The following KALRN variants were observed in gnomAD, a reference collection of about 807,000 sequenced individuals.
The protein encoded by KALRN is kalirin.
Under a neutral mutation model 353.7 loss-of-function variants are expected in KALRN, and 70 were observed. The ratio of observed to expected loss-of-function variants is 0.20; its 90% CI spans 0.16 to 0.24. The LOEUF is 0.24. Among genes scored for constraint, KALRN ranks in the 10% least tolerant of loss-of-function variants. The pLI is 1.00. For missense variants in KALRN, 2,791 were observed against 3,756.7 expected, an observed-to-expected ratio of 0.74 and a Z score of 6.72; for synonymous variants, 1,391 against 1,434.8, an observed-to-expected ratio of 0.97 and a Z score of 0.69.
In KALRN at chr3:124,633,932, C is replaced by G. The variant is rs371623469; in HGVS notation, c.5547C>G (p.Asn1849Lys). Residue 1849 changes from asparagine (N) to lysine (K), a missense_variant, in exon 36 of 60, where the codon AAC becomes AAG. Transcript: ENST00000682506. ...PLPPPMKIFD[N>K]DPTQDEMSSS... ...CACCACCTATGAAGATTTTTGACAA[C>G]GACCCTACACAGGATGAAATGGTAG... 1.2e-6 allele frequency: 2 copies of G among 1,613,894 alleles called. No homozygotes were observed. The highest frequency in any genetic ancestry group is 4.5e-5 in the East Asian group (2 of 44,876).
rs143590754 is a variant in KALRN at position 124,154,194 on chromosome 3, T to C, written c.74-73796T>C. On this transcript the variant is annotated intron_variant, in intron 1 of 59. Coordinates refer to ENST00000682506, the MANE Select transcript of KALRN (RefSeq NM_001388419.1). Reference sequence around the variant, plus strand: ...GTGTTTTAGACATTCCCTTTGAAAATTGGCACAAGACAGGGATGCCCTCTC... The same window carrying C: ...GTGTTTTAGACATTCCCTTTGAAAACTGGCACAAGACAGGGATGCCCTCTC... Among the ~76,000 whole-genome samples the C allele has an allele frequency of 6.6e-3, 1,000 of 152,186 alleles. 19 individuals carry two copies. Among genetic ancestry groups the C allele is most frequent in the African/African-American group, 0.023 (951 of 41,534 alleles).
At chr3:124,191,309 C>T (rs181407461) in intron 1 of KALRN, among the ~76,000 whole-genome samples, 4 of 152,010 alleles carry the variant, frequency 2.6e-5, no homozygotes, top group Admixed American at 6.5e-5. Context: ...CCTCTCCCTG[C>T]CCCACTCCTG....
At chr3:124,511,481 G>A (rs2065899113) in intron 33 of KALRN, among the ~76,000 whole-genome samples, 3 of 152,168 alleles carry the variant, frequency 2.0e-5, no homozygotes, top group African/African-American at 4.8e-5. Context: ...TTCCACTGGA[G>A]GACTCTCATG....
chr3:124,365,269 A>G (rs554730606), intron 10 of KALRN, among the ~76,000 whole-genome samples: 83 of 152,256 alleles, frequency 5.5e-4, no homozygotes, highest in African/African-American at 2.0e-3. Context: ...CCCTTTAAAA[A>G]TGAAGGGGGG....
chr3:124,188,538 T>C (rs1298416498), intron 1 of KALRN, among the ~76,000 whole-genome samples: 1 of 152,194 alleles, frequency 6.6e-6, no homozygotes, highest in Non-Finnish European at 1.5e-5. Flanking sequence ...ATCTTCAGCG[T>C]CTCTTGTAAT....
At position 124,518,674 on chromosome 3, in the gene KALRN, G is replaced by A. The variant is rs976758478; in HGVS notation, c.4935+22261G>A. On this transcript the variant is annotated intron_variant, in intron 33 of 59. Coordinates refer to ENST00000682506, the MANE Select transcript of KALRN (RefSeq NM_001388419.1). ...CTCGGGGCTCCCTTCTTCTCTACTG[G>A]GTGCAATTCGAGGTTGCTGAGCTTC... 83 of 1,431,312 alleles carry A rather than the reference G, an allele frequency of 5.8e-5. 1 individual carries two copies. The highest frequency in any genetic ancestry group is 1.7e-4 in the Admixed American group (6 of 35,186). 88.7% of individuals were successfully genotyped at this position (1,431,312 alleles called of 1,614,324 possible).
At chr3:124,644,176 G>A (rs912546512) in intron 37 of KALRN, among the ~76,000 whole-genome samples, 4 of 150,946 alleles carry the variant, frequency 2.6e-5, no homozygotes, top group South Asian at 4.2e-4. Flanking sequence ...TTTTCTATCC[G>A]TGTATATTTT....
intron 49 of KALRN, chr3:124,674,949 A>T (rs1292941908): frequency 5.3e-6 from 1 of 187,672 alleles, no homozygotes; most frequent in Non-Finnish European, 1.1e-5. Context: ...GCCACATTTG[A>T]CCCACCACAG....
chr3:124,704,409 T>G (rs192185154), intron 57 of KALRN, among the ~76,000 whole-genome samples: 62 of 152,346 alleles, frequency 4.1e-4, no homozygotes, highest in Admixed American at 3.2e-3. Context: ...TCAAAAGTAA[T>G]CGATGTTTTT....
chr3:124,092,589 C>T (rs1003334877), intron 1 of KALRN, among the ~76,000 whole-genome samples: 5 of 152,226 alleles, frequency 3.3e-5, no homozygotes, highest in African/African-American at 1.2e-4. Flanking sequence ...TAGGAAACAG[C>T]AGTGTTTCCC....
At chr3:124,468,345 G>A (rs186299022) in intron 25 of KALRN, among the ~76,000 whole-genome samples, 1 of 152,076 alleles carries the variant, frequency 6.6e-6, no homozygotes, top group Non-Finnish European at 1.5e-5. Context: ...GAAACACAAG[G>A]GGGGGGTTGA....
chr3:124,247,892 A>G (rs1302348326), intron 3 of KALRN, among the ~76,000 whole-genome samples: 1 of 152,168 alleles, frequency 6.6e-6, no homozygotes, highest in African/African-American at 2.4e-5. Context: ...TGAAAAAAAA[A>G]AGTCTCCCCC....
intron 1 of KALRN, among the ~76,000 whole-genome samples, chr3:124,209,472 G>A (rs1362114130): frequency 8.5e-6 from 1 of 117,810 alleles, no homozygotes; most frequent in Non-Finnish European, 1.6e-5. Flanking sequence ...CTGGGCAACA[G>A]AGCAAGACTC....
intron 34 of KALRN, among the ~76,000 whole-genome samples, chr3:124,609,039 G>A (rs1004266272): frequency 5.9e-5 from 9 of 152,156 alleles, no homozygotes; most frequent in African/African-American, 1.7e-4. Context: ...AGGGTCAGCG[G>A]ACTGAAGAAA....
At chr3:124,130,716 T>G (rs1465483368) in intron 1 of KALRN, among the ~76,000 whole-genome samples, 1 of 152,148 alleles carries the variant, frequency 6.6e-6, no homozygotes, top group Non-Finnish European at 1.5e-5. Flanking sequence ...AGCCTCAAAC[T>G]GGAAACAACC....
intron 1 of KALRN, among the ~76,000 whole-genome samples, chr3:124,109,242 G>A (rs1246638652): frequency 6.6e-6 from 1 of 151,386 alleles, no homozygotes; most frequent in Admixed American, 6.6e-5. Flanking sequence ...ATTGTATGTT[G>A]CAATTTCTCG....
At chr3:124,424,723 G>A (rs78970850) in intron 15 of KALRN, among the ~76,000 whole-genome samples, 3,296 of 152,282 alleles carry the variant, frequency 0.022, 116 homozygotes, top group African/African-American at 0.074. Flanking sequence ...GAACAGTAAC[G>A]AGTATGCAAA....
chr3:124,353,044 A>G (rs571419371), intron 10 of KALRN, among the ~76,000 whole-genome samples: 1 of 152,342 alleles, frequency 6.6e-6, no homozygotes, highest in African/African-American at 2.4e-5. Context: ...ATGAAAGAAG[A>G]ATTAACAGAA....
At chr3:124,714,612 C>T (rs988696393) in intron 58 of KALRN, among the ~76,000 whole-genome samples, 11 of 152,258 alleles carry the variant, frequency 7.2e-5, no homozygotes, top group Middle Eastern at 3.4e-3. Flanking sequence ...GTTTAGCAAA[C>T]GTTTACTGAG....
Sources: allele counts gnomAD v4.1 joint callset (sites outside exome capture counted in the v4.1 genomes callset), GRCh38; gene constraint gnomAD v4.1.1; transcripts MANE v1.5; gene names NCBI Gene and HGNC (gene_info 2026-07-23, HGNC 2026-07-21).